The following GLP1R variants were observed in gnomAD, a reference collection of about 807,000 sequenced individuals.
GLP1R encodes the protein glucagon-like peptide 1 receptor.
In GLP1R, 32 loss-of-function variants were observed where a neutral mutation model predicts 68.4. The ratio of observed to expected loss-of-function variants is 0.47; its 90% confidence interval spans 0.35 to 0.63. GLP1R has a LOEUF of 0.63. GLP1R is among the 20% of genes least tolerant of loss of function. The probability of loss-of-function intolerance (pLI) is 0.00; values close to 1 mark genes in which losing one functional copy is unlikely to be tolerated. For missense variants in GLP1R, 502 were observed against 594.9 expected (o/e 0.84, Z 1.62); for synonymous variants, 263 against 244.4 (o/e 1.08, Z -0.71).
intron 3 of GLP1R, among the ~76,000 whole-genome samples, chr6:39,063,963 C>CACA (rs1768428249): frequency 1.1e-5 from 1 of 93,436 alleles, no homozygotes; most frequent in African/African-American, 4.0e-5. Flanking sequence ...ACACACACAC[C>CACA]CCACATTAAT....
chr6:39,050,878 G>A (rs1473003275), intron 1 of GLP1R, among the ~76,000 whole-genome samples: 1 of 152,146 alleles, frequency 6.6e-6, no homozygotes, highest in East Asian at 1.9e-4. Context: ...GGGGTGAAGG[G>A]CTGGGCTCTT....
At chr6:39,073,500 C>T in intron 6 of GLP1R, 110 bp from the exon 7 acceptor site, 1 of 912,320 alleles carries the variant, frequency 1.1e-6, no homozygotes, top group Non-Finnish European at 1.7e-6. Flanking sequence ...TGAGCTCTCT[C>T]CTCCTGCATT....
rs1010538699 is a variant in GLP1R, at chr6:39,049,455, C to T, written c.78+537C>T. On this transcript the variant is annotated intron_variant, in intron 1 of 12. Transcript: ENST00000373256. This position sits in a 1 kb window ranked among gnomAD's most constrained non-coding sequence, Gnocchi z 4.5. Reference sequence around the variant, plus strand: ...CTCTCCCTTTCTCATCAGCCCCCAGCACAGCCTTTGATTCATGGCTCCTGG... The same window carrying T: ...CTCTCCCTTTCTCATCAGCCCCCAGTACAGCCTTTGATTCATGGCTCCTGG... Among the ~76,000 whole-genome samples, 12 of 152,156 alleles carry T rather than the reference C, an allele frequency of 7.9e-5. No homozygotes were observed. Among genetic ancestry groups the T allele is most frequent in the African/African-American group, 2.9e-4 (12 of 41,434 alleles).
intron 5 of GLP1R, among the ~76,000 whole-genome samples, chr6:39,068,483 T>A (rs187240406): frequency 1.4e-4 from 21 of 152,270 alleles, no homozygotes; most frequent in African/African-American, 5.1e-4. Context: ...TACTATAGAT[T>A]TATTAGAAAC....
intron 12 of GLP1R, among the ~76,000 whole-genome samples, chr6:39,082,849 C>G (rs959589501): frequency 6.6e-6 from 1 of 151,800 alleles, no homozygotes; most frequent in Non-Finnish European, 1.5e-5. Flanking sequence ...GTCATCTTGA[C>G]CCCCCCACGT....
intron 1 of GLP1R, among the ~76,000 whole-genome samples, chr6:39,056,023 A>G (rs1234233226): frequency 1.3e-5 from 2 of 152,192 alleles, no homozygotes; most frequent in African/African-American, 2.4e-5. Flanking sequence ...TAGGCGCCAG[A>G]AGGAGCTTAG....
At chr6:39,066,397 G>A in intron 5 of GLP1R, 94 bp downstream of exon 5, 2 of 683,190 alleles carry the variant, frequency 2.9e-6, no homozygotes, top group Non-Finnish European at 5.2e-6. Flanking sequence ...AAGCAACAGT[G>A]CAGCACATTC....
At chr6:39,074,606 A>C in intron 7 of GLP1R, among the ~76,000 whole-genome samples, 1 of 151,358 alleles carries the variant, frequency 6.6e-6, no homozygotes. Flanking sequence ...CCACTCCTTC[A>C]TTCACTCCTC....
intron 12 of GLP1R, among the ~76,000 whole-genome samples, chr6:39,085,430 T>C (rs1364296845): frequency 1.3e-5 from 2 of 152,158 alleles, no homozygotes; most frequent in South Asian, 4.1e-4. Flanking sequence ...TGCTGGGGCC[T>C]GGAGAGAAGC....
intron 12 of GLP1R, among the ~76,000 whole-genome samples, chr6:39,081,015 A>G (rs547644472): frequency 8.5e-5 from 13 of 152,094 alleles, no homozygotes; most frequent in African/African-American, 3.1e-4. Context: ...GGGATCCTGA[A>G]TGACCCTCTT....
At chr6:39,059,843 C>T (rs539415374) in intron 3 of GLP1R, among the ~76,000 whole-genome samples, 5 of 152,278 alleles carry the variant, frequency 3.3e-5, no homozygotes, top group African/African-American at 1.2e-4. Flanking sequence ...CTCTGCCTGC[C>T]GCTTGCAGCT....
In GLP1R at chr6:39,073,115, C is replaced by A. The variant is rs1027440459; in HGVS notation, c.663+100C>A. The A allele has an allele frequency of 2.1e-5, 24 of 1,162,368 alleles. No individual in the cohort carries two copies. In the Admixed American group the frequency reaches 3.9e-4, roughly 19 times the overall value. The allele number at this position is 1,162,368 out of a possible 1,614,324, so 72.0% of individuals were successfully genotyped here. On this transcript the variant is annotated intron_variant, in intron 6 of 12. Coordinates refer to ENST00000373256, the MANE Select transcript of GLP1R (RefSeq NM_002062.5). ...GCCTGGGACAGGAGAAGACAAGAGCCGAACAGTCCTGGCCCTTCGGGAGCC... is the reference window on the plus strand; with the variant it reads ...GCCTGGGACAGGAGAAGACAAGAGCAGAACAGTCCTGGCCCTTCGGGAGCC...
chr6:39,058,847 G>C (rs188477399), intron 3 of GLP1R, among the ~76,000 whole-genome samples: 20 of 152,358 alleles, frequency 1.3e-4, no homozygotes, highest in African/African-American at 4.8e-4. Flanking sequence ...GTCAATGGCA[G>C]AGCCAGGATT....
At chr6:39,051,682 G>A (rs1054958753) in intron 1 of GLP1R, among the ~76,000 whole-genome samples, 5 of 152,066 alleles carry the variant, frequency 3.3e-5, no homozygotes, top group Non-Finnish European at 7.4e-5. Flanking sequence ...GATACAGACA[G>A]GTAGTCTGAG....
chr6:39,067,705 A>T (rs1433206753), intron 5 of GLP1R, among the ~76,000 whole-genome samples: 1 of 152,234 alleles, frequency 6.6e-6, no homozygotes, highest in African/African-American at 2.4e-5. Context: ...TACAAAATAC[A>T]TTCATTTAAT....
intron 7 of GLP1R, among the ~76,000 whole-genome samples, chr6:39,077,440 G>T (rs1768860131): frequency 6.6e-6 from 1 of 152,224 alleles, no homozygotes; most frequent in Non-Finnish European, 1.5e-5. Context: ...ATTTCTTGCT[G>T]CAGAGACCTC....
chr6:39,058,517 C>G (rs372949324), intron 3 of GLP1R, among the ~76,000 whole-genome samples: 1 of 152,088 alleles, frequency 6.6e-6, no homozygotes, highest in Admixed American at 6.5e-5. Context: ...TAATGTGCCC[C>G]GCTATCTATC....
intron 5 of GLP1R, among the ~76,000 whole-genome samples, chr6:39,071,983 G>C (rs974615998): frequency 1.3e-5 from 2 of 151,946 alleles, no homozygotes; most frequent in East Asian, 3.8e-4. Flanking sequence ...CCTATCTTCT[G>C]TTAGACTCAT....
intron 5 of GLP1R, among the ~76,000 whole-genome samples, chr6:39,067,542 A>G (rs190945995): frequency 1.3e-5 from 2 of 152,300 alleles, no homozygotes; most frequent in Admixed American, 1.3e-4. Context: ...CCCATTCGTG[A>G]GGGCAGAGCC....
Sources: allele counts gnomAD v4.1 joint callset (sites outside exome capture counted in the v4.1 genomes callset), GRCh38; gene constraint gnomAD v4.1.1; non-coding constraint Gnocchi (gnomAD v3.1); transcripts MANE v1.5; gene names NCBI Gene and HGNC (gene_info 2026-07-23, HGNC 2026-07-21).